The following GRHL2 variants were observed in gnomAD, a reference collection of about 807,000 sequenced individuals.
GRHL2 encodes the protein grainyhead like transcription factor 2.
GRHL2 carries 21 observed loss-of-function variants against 83.8 expected under a neutral mutation model. That is an observed-to-expected ratio of 0.25 (90% CI 0.18 to 0.36). GRHL2 has a LOEUF of 0.36. GRHL2 is among the 10% of genes least tolerant of loss of function. GRHL2 has a pLI of 1.00. For missense variants in GRHL2, 623 were observed against 781.8 expected (o/e 0.80, Z 2.42); for synonymous variants, 280 against 278.9 (o/e 1.00, Z -0.04).
At chr8:101,563,324 A>T (rs1348348599) in intron 4 of GRHL2, among the ~76,000 whole-genome samples, 1 of 152,208 alleles carries the variant, frequency 6.6e-6, no homozygotes, top group Admixed American at 6.5e-5. Flanking sequence ...AAATCTTTTT[A>T]AAAACATTTG....
intron 5 of GRHL2, among the ~76,000 whole-genome samples, chr8:101,571,978 A>G (rs1811837182): frequency 6.6e-6 from 1 of 152,220 alleles, no homozygotes. Flanking sequence ...ATGGTCCAGC[A>G]GAGCGAGCAT....
chr8:101,675,516 C>T, the GRHL2 span, among the ~76,000 whole-genome samples: 2 of 151,864 alleles, frequency 1.3e-5, no homozygotes, highest in Non-Finnish European at 2.9e-5. Flanking sequence ...TGTGAAGGAC[C>T]TCTTCAAGGA....
At chr8:101,521,126 A>G (rs1469252785) in intron 1 of GRHL2, among the ~76,000 whole-genome samples, 1 of 152,202 alleles carries the variant, frequency 6.6e-6, no homozygotes, top group Non-Finnish European at 1.5e-5. Flanking sequence ...TCAGACAACA[A>G]TGTGAGTCTG....
intron 1 of GRHL2, among the ~76,000 whole-genome samples, chr8:101,519,814 A>T (rs1810647204): frequency 6.6e-6 from 1 of 152,144 alleles, no homozygotes; most frequent in Non-Finnish European, 1.5e-5. Flanking sequence ...TTTCTCCCCC[A>T]TCTACTCACT....
chr8:101,660,719 T>G (rs922280138), intron 14 of GRHL2, among the ~76,000 whole-genome samples: 1 of 152,220 alleles, frequency 6.6e-6, no homozygotes, highest in African/African-American at 2.4e-5. Flanking sequence ...TCCAAATTCC[T>G]GAAGTAATTC....
At chr8:101,649,282 C>G (rs1813573444) in intron 13 of GRHL2, 132 bp from the exon 14 acceptor site, 6 of 720,092 alleles carry the variant, frequency 8.3e-6, no homozygotes, top group Non-Finnish European at 1.5e-5. Context: ...TGTTAGTTAT[C>G]TGGACCAGGG....
At chr8:101,533,225 A>G (rs930631875) in intron 1 of GRHL2, among the ~76,000 whole-genome samples, 2 of 152,194 alleles carry the variant, frequency 1.3e-5, no homozygotes, top group Non-Finnish European at 1.5e-5. Flanking sequence ...AATTAAATTT[A>G]TAATTATGCT....
At chr8:101,565,656 T>C (rs375575746) in intron 4 of GRHL2, among the ~76,000 whole-genome samples, 1 of 152,174 alleles carries the variant, frequency 6.6e-6, no homozygotes, top group Non-Finnish European at 1.5e-5. Context: ...TATTGACTAG[T>C]TGACCTGGAA....
At chr8:101,600,047 C>T (rs1189623063) in intron 8 of GRHL2, among the ~76,000 whole-genome samples, 1 of 152,084 alleles carries the variant, frequency 6.6e-6, no homozygotes, top group African/African-American at 2.4e-5. Flanking sequence ...CTGCTCTGGT[C>T]GATGCTTTAT....
chr8:101,584,600 A>AG (rs897041040), intron 7 of GRHL2, among the ~76,000 whole-genome samples: 7 of 152,214 alleles, frequency 4.6e-5, no homozygotes, highest in Admixed American at 6.5e-5. Context: ...TTAAAAAAAA[A>AG]GAGTTTTTTT....
intron 1 of GRHL2, among the ~76,000 whole-genome samples, chr8:101,497,980 C>T (rs950451197): frequency 6.6e-6 from 1 of 152,142 alleles, no homozygotes; most frequent in African/African-American, 2.4e-5. Flanking sequence ...AATATGTTTC[C>T]AGAGCTGCAA....
Position 101,666,992 on chromosome 8 carries a change from A to G in GRHL2, c.*289A>G. The G allele has an allele frequency of 1.9e-6, 1 of 514,172 alleles. No individual in the cohort carries two copies. The highest frequency in any genetic ancestry group is 3.5e-6 in the Non-Finnish European group (1 of 282,328). 31.9% of individuals were successfully genotyped at this position (514,172 alleles called of 1,614,324 possible). Reference sequence around the variant, plus strand: ...CCTGGAGCCCAGGTCCAGGCCCGCCAGGACTCTGCAGGTCACTGCTAGCTC... The same window carrying G: ...CCTGGAGCCCAGGTCCAGGCCCGCCGGGACTCTGCAGGTCACTGCTAGCTC... On this transcript the variant is annotated 3_prime_UTR_variant, in exon 16 of 16. Coordinates refer to ENST00000646743, the MANE Select transcript of GRHL2 (RefSeq NM_024915.4).
At position 101,570,417 on chromosome 8, in the gene GRHL2, C is replaced by T. The variant is rs770300468; in HGVS notation, c.734+23C>T. 8.2e-6 allele frequency: 13 copies of T among 1,581,936 alleles called. No homozygotes were observed. The Admixed American group carries it at 2.2e-4, about 26-fold the overall frequency. On this transcript the variant is annotated intron_variant, in intron 5 of 15. Coordinates refer to ENST00000646743, the MANE Select transcript of GRHL2 (RefSeq NM_024915.4). ...AAGGTGAGTTACCAGGAGATGCATC[C>T]TTAGAAACTGATTAACTGATAAACC...
chr8:101,501,906 GA>G lies in GRHL2; in HGVS notation c.20+9118del, dbSNP rs368571063. Among the ~76,000 whole-genome samples, 375 of 151,952 alleles carry G rather than the reference GA, an allele frequency of 2.5e-3. 1 individual carries two copies. Among genetic ancestry groups the G allele is most frequent in the African/African-American group, 8.3e-3 (346 of 41,442 alleles). Reference sequence around the variant, plus strand: ...GCTTTTTTTTTTTAAGAAAGATTGAGAGCAAGATTAGCACTGCATGTTTACT... The same window carrying G: ...GCTTTTTTTTTTTAAGAAAGATTGAGGCAAGATTAGCACTGCATGTTTACT... On this transcript the variant is annotated intron_variant, in intron 1 of 15. Coordinates refer to ENST00000646743, the MANE Select transcript of GRHL2 (RefSeq NM_024915.4).
At chr8:101,555,670 G>A (rs375947699) in intron 3 of GRHL2, among the ~76,000 whole-genome samples, 7 of 152,132 alleles carry the variant, frequency 4.6e-5, no homozygotes, top group African/African-American at 1.2e-4. Flanking sequence ...ATTTGATCAC[G>A]AAATCAGGTC....
At chr8:101,592,233 T>G (rs2130291706) in intron 7 of GRHL2, among the ~76,000 whole-genome samples, 1 of 148,666 alleles carries the variant, frequency 6.7e-6, no homozygotes, top group East Asian at 2.1e-4. Context: ...GCCTCCTGCA[T>G]AGCTGGGATT....
rs4002326 is a variant in GRHL2 at position 101,509,107 on chromosome 8, CTCCTTCCTTCCTTCCTTCCT to C, written c.20+16352_20+16371del. Among the ~76,000 whole-genome samples, 246 of 94,834 alleles carry C rather than the reference CTCCTTCCTTCCTTCCTTCCT, an allele frequency of 2.6e-3. 6 individuals are homozygous for C. Among genetic ancestry groups the C allele is most frequent in the African/African-American group, 6.2e-3 (142 of 22,934 alleles). The allele number at this position is 94,834 out of a possible 152,430, so 62.2% of individuals were successfully genotyped here. On this transcript the variant is annotated intron_variant, in intron 1 of 15. Coordinates refer to ENST00000646743, the MANE Select transcript of GRHL2 (RefSeq NM_024915.4). Reference sequence around the variant, plus strand: ...TGTTTTCCTTTCTTTCTTTCTTTCTCTCCTTCCTTCCTTCCTTCCTTCCTTCCTTCCTTCCTTCCTTCCTT... The same window carrying C: ...TGTTTTCCTTTCTTTCTTTCTTTCTCTCCTTCCTTCCTTCCTTCCTTCCTT...
intron 7 of GRHL2, among the ~76,000 whole-genome samples, chr8:101,582,241 A>AAG (rs1245254615): frequency 6.6e-6 from 1 of 151,714 alleles, no homozygotes; most frequent in Non-Finnish European, 1.5e-5. Context: ...CCGTCTCAAA[A>AAG]AAAAAAAAAA....
At chr8:101,591,422 C>CCCCA (rs1401044523) in intron 7 of GRHL2, among the ~76,000 whole-genome samples, 21 of 152,126 alleles carry the variant, frequency 1.4e-4, no homozygotes, top group African/African-American at 5.1e-4. Context: ...TACTGAAGCA[C>CCCCA]CCCAACCTTG....
Sources: gnomAD v4.1 joint callset for allele counts (sites outside exome capture counted in the v4.1 genomes callset) on GRCh38, gnomAD v4.1.1 for gene constraint, MANE v1.5 for transcripts, NCBI Gene and HGNC (gene_info 2026-07-23, HGNC 2026-07-21) for gene names.